Variants in RAPGEF2 observed in about 807,000 individuals in gnomAD.
RAPGEF2 encodes Rap guanine nucleotide exchange factor 2.
A neutral mutation model predicts 186.7 loss-of-function variants in RAPGEF2; 54 were observed. That is an observed-to-expected ratio of 0.29 (90% CI 0.23 to 0.36). The LOEUF (loss-of-function observed/expected upper bound fraction) is 0.36. Ranked by LOEUF, RAPGEF2 falls within the 10% of genes least tolerant of loss-of-function variation. The pLI is 1.00. For synonymous variants in RAPGEF2, 712 were observed against 705.9 expected (o/e 1.01, Z -0.14); for missense variants, 1,532 against 2,045.0 (o/e 0.75, Z 4.84).
intron 8 of RAPGEF2, among the ~76,000 whole-genome samples, chr4:159,306,733 TC>T (rs1217414682): frequency 3.9e-5 from 6 of 152,186 alleles, no homozygotes; most frequent in Admixed American, 3.9e-4. Context: ...TTTCAACTTT[TC>T]CCTGTTCAGT....
Position 159,323,632 on chromosome 4 carries a change from A to G in RAPGEF2, c.1149+15A>G. On this transcript the variant is annotated intron_variant, in intron 11 of 29. Transcript: ENST00000691494. ...ATGACTGCCAGGTATAAAATATATC[A>G]TTAAAAATATATATTTTATTCTTAA... 1 of 1,390,386 alleles carries G rather than the reference A, an allele frequency of 7.2e-7. No homozygotes were observed. Among genetic ancestry groups the G allele is most frequent in the Non-Finnish European group, 9.5e-7 (1 of 1,052,710 alleles). 86.1% of individuals were successfully genotyped at this position (1,390,386 alleles called of 1,614,324 possible). A position where few individuals can be genotyped will look rare whatever the true frequency, so the allele number is the denominator to read the frequency against.
chr4:159,161,058 A>G (rs1744656600), intron 1 of RAPGEF2, among the ~76,000 whole-genome samples: 1 of 152,164 alleles, frequency 6.6e-6, no homozygotes, highest in African/African-American at 2.4e-5. Context: ...GGGAATTTAC[A>G]TGGGATAAAA....
At chr4:159,339,460 C>A in intron 19 of RAPGEF2, 106 bp downstream of exon 19, 1 of 1,347,650 alleles carries the variant, frequency 7.4e-7, no homozygotes. Flanking sequence ...AGTAAGTGTC[C>A]CTGCGATTAA....
chr4:159,201,624 A>G (rs940930448), intron 3 of RAPGEF2, among the ~76,000 whole-genome samples: 5 of 152,228 alleles, frequency 3.3e-5, no homozygotes, highest in Non-Finnish European at 4.4e-5. Context: ...TAGGTGAGCA[A>G]AAATGGGACC....
In RAPGEF2 at chr4:159,330,773, T is replaced by A. The variant is rs1255483683; in HGVS notation, c.1467+275T>A. 1.5e-5 allele frequency: 5 copies of A among 337,744 alleles called. No individual in the cohort carries two copies. The Admixed American group carries it at 1.6e-4, about 10-fold the overall frequency. The allele number at this position is 337,744 out of a possible 1,614,324, so 20.9% of individuals were successfully genotyped here. ...GTTTAAACATTTTTTTAAGTTCTGT[T>A]GGGAGTGTGTTAAAACATAAACATC... On this transcript the variant is annotated intron_variant, in intron 13 of 29. Transcript: ENST00000691494.
Position 159,213,184 on chromosome 4 carries a change from G to A in RAPGEF2, c.281+2601G>A, listed in dbSNP as rs76712218. ...CGTCCAAGTTGCTTGTTTCCTTTGG[G>A]GATGTTGCCTTAGGAATAGGACTGA... On this transcript the variant is annotated intron_variant, in intron 4 of 29. Coordinates refer to ENST00000691494, the MANE Select transcript of RAPGEF2 (RefSeq NM_001394067.2). 3.3e-5 allele frequency among the ~76,000 whole-genome samples: 5 copies of A among 152,258 alleles called. No homozygotes were observed. In the East Asian group the frequency reaches 9.6e-4, roughly 29 times the overall value.
intron 1 of RAPGEF2, among the ~76,000 whole-genome samples, chr4:159,112,929 T>C (rs1738651724): frequency 6.6e-6 from 1 of 152,160 alleles, no homozygotes; most frequent in African/African-American, 2.4e-5. Flanking sequence ...GTTAATATCA[T>C]TAGTAATAAG....
rs11100216 is a variant in RAPGEF2, at chr4:159,331,265, C to G, written c.1468-166C>G. Among the ~76,000 whole-genome samples the G allele has an allele frequency of 9.5e-3, 1,454 of 152,268 alleles. 26 individuals are homozygous for G. Among genetic ancestry groups the G allele is most frequent in the Admixed American group, 0.051 (779 of 15,304 alleles). On this transcript the variant is annotated intron_variant, in intron 13 of 29. Coordinates refer to ENST00000691494, the MANE Select transcript of RAPGEF2 (RefSeq NM_001394067.2). Reference sequence around the variant, plus strand: ...AGTCTATATTCAAAGTAAAAATACTCATTTTCAGAAGGTCATCCTCATTTA... The same window carrying G: ...AGTCTATATTCAAAGTAAAAATACTGATTTTCAGAAGGTCATCCTCATTTA...
Position 159,356,028 on chromosome 4 carries a change from A to C in RAPGEF2, c.4827A>C (p.Ser1609=). 3.1e-6 allele frequency: 5 copies of C among 1,614,080 alleles called. No homozygotes were observed. The highest frequency in any genetic ancestry group is 4.2e-6 in the Non-Finnish European group (5 of 1,180,016). The change falls in exon 29 of 30, where the codon TCA becomes TCC. Residue 1609 remains serine, a synonymous_variant. Coordinates refer to ENST00000691494, the MANE Select transcript of RAPGEF2 (RefSeq NM_001394067.2). ...GATCCTCCGACACAGCTGGGCCTTC[A>C]TCCGTACAGCAGCCACATGGGCATC... The part of the protein sequence containing the change: ...VARSSDTAGP[S]SVQQPHGHPT...
intron 1 of RAPGEF2, among the ~76,000 whole-genome samples, chr4:159,113,033 T>C (rs964109846): frequency 6.6e-6 from 1 of 152,162 alleles, no homozygotes; most frequent in Admixed American, 6.5e-5. Context: ...GGAGCAAATA[T>C]CAGATAGACT....
intron 1 of RAPGEF2, among the ~76,000 whole-genome samples, chr4:159,127,137 C>T (rs1314441411): frequency 6.6e-6 from 1 of 152,200 alleles, no homozygotes; most frequent in African/African-American, 2.4e-5. Flanking sequence ...AGCGATTCTC[C>T]TGCCTCAGCC....
At chr4:159,115,985 T>A (rs890367516) in intron 1 of RAPGEF2, among the ~76,000 whole-genome samples, 8 of 152,100 alleles carry the variant, frequency 5.3e-5, no homozygotes, top group Admixed American at 2.6e-4. Context: ...ATAAAAACCC[T>A]AGAAGAAAAT....
intron 11 of RAPGEF2, among the ~76,000 whole-genome samples, chr4:159,324,047 C>A (rs555534280): frequency 1.5e-4 from 23 of 152,220 alleles, no homozygotes; most frequent in Admixed American, 1.3e-4. Flanking sequence ...CAGGCGTGCA[C>A]CACCATGCCC....
At chr4:159,280,985 TC>T (rs1431686452) in intron 7 of RAPGEF2, among the ~76,000 whole-genome samples, 1 of 144,234 alleles carries the variant, frequency 6.9e-6, no homozygotes, top group African/African-American at 2.9e-5. Flanking sequence ...TTTAACTACT[TC>T]TTTTTTTTTT....
intron 4 of RAPGEF2, among the ~76,000 whole-genome samples, chr4:159,227,915 A>G (rs1752208174): frequency 6.6e-6 from 1 of 152,196 alleles, no homozygotes; most frequent in East Asian, 1.9e-4. Flanking sequence ...ACTAGTTTGT[A>G]GTACAGCTTG....
rs766752962 is a variant in RAPGEF2 at position 159,322,327 on chromosome 4, G to A, written c.854-20G>A. The A allele has an allele frequency of 5.0e-5, 80 of 1,609,962 alleles. No individual in the cohort carries two copies. Among genetic ancestry groups the A allele is most frequent in the Non-Finnish European group, 6.8e-5 (80 of 1,176,832 alleles). ...TAATAAAAGTAGTAGTTTTTACAAAGTATGTCTTTTGCTTTTCAGAACAAC... is the reference window on the plus strand; with the variant it reads ...TAATAAAAGTAGTAGTTTTTACAAAATATGTCTTTTGCTTTTCAGAACAAC... On this transcript the variant is annotated intron_variant, in intron 9 of 29. Coordinates refer to ENST00000691494, the MANE Select transcript of RAPGEF2 (RefSeq NM_001394067.2).
intron 3 of RAPGEF2, among the ~76,000 whole-genome samples, chr4:159,196,917 A>T (rs1235285219): frequency 6.6e-6 from 1 of 152,224 alleles, no homozygotes; most frequent in African/African-American, 2.4e-5. Flanking sequence ...TTTAAAATTT[A>T]GAGTTGCCCA....
Position 159,353,589 on chromosome 4 carries a change from GTCA to G in RAPGEF2, c.4195_4197del (p.Ser1399del). ...TTTCCCAGGATCAGGGGGATCGCGC[GTCA>G]CTTGATGCTGCTGACAGTGGCCGTG... On this transcript the variant is annotated inframe_deletion, in exon 28 of 30. Transcript: ENST00000691494. This position sits in a 1 kb window ranked among gnomAD's most constrained non-coding sequence, Gnocchi z 4.3. 1.9e-6 allele frequency: 3 copies of G among 1,592,208 alleles called. No homozygotes were observed. The highest frequency in any genetic ancestry group is 2.6e-6 in the Non-Finnish European group (3 of 1,171,486).
chr4:159,132,263 A>G (rs1205667882), intron 1 of RAPGEF2, among the ~76,000 whole-genome samples: 1 of 152,216 alleles, frequency 6.6e-6, no homozygotes, highest in Non-Finnish European at 1.5e-5. Context: ...CACAGTCTCA[A>G]CTGCAGAATG....
Sources: allele counts gnomAD v4.1 joint callset (sites outside exome capture counted in the v4.1 genomes callset), GRCh38; gene constraint gnomAD v4.1.1; non-coding constraint Gnocchi (gnomAD v3.1); transcripts MANE v1.5; gene names NCBI Gene and HGNC (gene_info 2026-07-23, HGNC 2026-07-21).